The following ZFHX3 variants were observed in gnomAD, a reference collection of about 807,000 sequenced individuals.
ZFHX3 encodes zinc finger homeobox 3.
ZFHX3 carries 42 observed loss-of-function variants against 279.1 expected under a neutral mutation model. The ratio of observed to expected loss-of-function variants is 0.15; its 90% confidence interval spans 0.12 to 0.19. The LOEUF (loss-of-function observed/expected upper bound fraction) is 0.19, where lower values mean the gene tolerates loss of function less well. Among genes scored for constraint, ZFHX3 ranks in the 10% least tolerant of loss-of-function variants. The pLI is 1.00. For synonymous variants in ZFHX3, 2,293 were observed against 1,957.8 expected, an observed-to-expected ratio of 1.17 and a Z score of -4.52; for missense variants, 4,981 against 4,754.0, an observed-to-expected ratio of 1.05 and a Z score of -1.40.
chr16:73,170,440 G>C (rs1967495316), intron 5 of ZFHX3, among the ~76,000 whole-genome samples: 1 of 151,896 alleles, frequency 6.6e-6, no homozygotes, highest in Admixed American at 6.6e-5. Flanking sequence ...ATGTAGGCTA[G>C]GCTGGTCTCG....
chr16:73,765,030 C>G (rs567882401), intron 1 of ZFHX3, among the ~76,000 whole-genome samples: 17 of 152,174 alleles, frequency 1.1e-4, no homozygotes, highest in Admixed American at 6.5e-4. Context: ...GGTATTACCC[C>G]AACTTTATTT....
intron 1 of ZFHX3, among the ~76,000 whole-genome samples, chr16:72,984,843 T>G (rs76385919): frequency 0.011 from 1,684 of 152,206 alleles, 35 homozygotes; most frequent in East Asian, 0.099. Flanking sequence ...CATATAAAAT[T>G]TATATGCATT....
intron 3 of ZFHX3, among the ~76,000 whole-genome samples, chr16:73,321,699 GC>G (rs1396483902): frequency 6.6e-6 from 1 of 152,178 alleles, no homozygotes; most frequent in Admixed American, 6.5e-5. Flanking sequence ...GGCAGGCCTG[GC>G]CTGCAGCTCA....
chr16:73,779,570 A>G (rs1019048847), intron 1 of ZFHX3, among the ~76,000 whole-genome samples: 2 of 152,284 alleles, frequency 1.3e-5, no homozygotes, highest in African/African-American at 2.4e-5. Flanking sequence ...AAGACCCACA[A>G]AGATAGATAA....
intron 5 of ZFHX3, among the ~76,000 whole-genome samples, chr16:73,217,740 C>A (rs1364383082): frequency 6.6e-6 from 1 of 152,086 alleles, no homozygotes; most frequent in African/African-American, 2.4e-5. Context: ...CTCTCACAGC[C>A]TCACAATAGG....
chr16:73,484,604 T>A (rs2018940342), intron 2 of ZFHX3, among the ~76,000 whole-genome samples: 1 of 152,156 alleles, frequency 6.6e-6, no homozygotes, highest in South Asian at 2.1e-4. Context: ...AGACACAGTA[T>A]CACCACGGTA....
At chr16:73,495,365 A>T (rs908469974) in intron 2 of ZFHX3, among the ~76,000 whole-genome samples, 12 of 152,238 alleles carry the variant, frequency 7.9e-5, no homozygotes, top group Non-Finnish European at 1.5e-4. Flanking sequence ...GCTCTGATCC[A>T]GTCAAGCCAT....
At chr16:73,853,487 A>C (rs1961640672) in intron 1 of ZFHX3, among the ~76,000 whole-genome samples, 1 of 140,420 alleles carries the variant, frequency 7.1e-6, no homozygotes, top group Non-Finnish European at 1.5e-5. Context: ...ACCATGGAAT[A>C]CTACAGAGCC....
intron 1 of ZFHX3, among the ~76,000 whole-genome samples, chr16:73,699,028 G>A (rs999470831): frequency 1.3e-5 from 2 of 152,058 alleles, no homozygotes; most frequent in Non-Finnish European, 2.9e-5. Context: ...GAGATTATAG[G>A]CGCCCGCTAC....
At chr16:73,002,936 C>A (rs1963553776) in intron 1 of ZFHX3, among the ~76,000 whole-genome samples, 1 of 152,168 alleles carries the variant, frequency 6.6e-6, no homozygotes, top group South Asian at 2.1e-4. Flanking sequence ...GTACTTCTAC[C>A]AGCTGGAAAT....
chr16:73,628,813 C>A (rs1470261786), intron 2 of ZFHX3, among the ~76,000 whole-genome samples: 1 of 152,154 alleles, frequency 6.6e-6, no homozygotes, highest in Admixed American at 6.5e-5. Flanking sequence ...GTGCTCCCAG[C>A]CCTTGCTGAG....
chr16:73,022,152 A>G (rs1964322786), intron 1 of ZFHX3, among the ~76,000 whole-genome samples: 3 of 152,174 alleles, frequency 2.0e-5, no homozygotes, highest in Non-Finnish European at 4.4e-5. Context: ...ATAAGCTCCA[A>G]GCAGACAAGC....
chr16:73,236,231 T>C (rs1347234513), intron 5 of ZFHX3, among the ~76,000 whole-genome samples: 2 of 152,216 alleles, frequency 1.3e-5, no homozygotes, highest in Non-Finnish European at 2.9e-5. Flanking sequence ...AGGGAATGGA[T>C]GTCAGTGTGG....
intron 5 of ZFHX3, among the ~76,000 whole-genome samples, chr16:73,174,394 CA>C (rs1317465919): frequency 6.6e-6 from 1 of 152,180 alleles, no homozygotes; most frequent in Non-Finnish European, 1.5e-5. Flanking sequence ...GGATCCTGGT[CA>C]GATACCTGAA....
At chr16:73,252,830 CAGAGAGAAAGAAAATGCATG>C (rs2013550652) in intron 5 of ZFHX3, among the ~76,000 whole-genome samples, 1 of 152,096 alleles carries the variant, frequency 6.6e-6, no homozygotes, top group African/African-American at 2.4e-5. Context: ...TCCAGTGGAG[CAGAGAGAAAGAAAATGCATG>C]AGAGAGAAAG....
intron 2 of ZFHX3, among the ~76,000 whole-genome samples, chr16:73,643,647 C>G (rs931052125): frequency 2.0e-5 from 3 of 152,178 alleles, no homozygotes; most frequent in South Asian, 2.1e-4. Context: ...GTGTTCCTTC[C>G]GAGCAATTCC....
intron 3 of ZFHX3, among the ~76,000 whole-genome samples, chr16:73,437,438 T>C (rs974152244): frequency 6.6e-6 from 1 of 152,198 alleles, no homozygotes; most frequent in Non-Finnish European, 1.5e-5. Context: ...TTTCATATGT[T>C]ATTGTGGTGG....
intron 3 of ZFHX3, among the ~76,000 whole-genome samples, chr16:72,940,057 G>A (rs1346376088): frequency 6.6e-6 from 1 of 152,032 alleles, no homozygotes; most frequent in Admixed American, 6.6e-5. Flanking sequence ...CCAGAGGTGT[G>A]TGCCGCCACA....
intron 2 of ZFHX3, among the ~76,000 whole-genome samples, chr16:73,559,830 G>A (rs1168920572): frequency 6.6e-6 from 1 of 152,136 alleles, no homozygotes; most frequent in Non-Finnish European, 1.5e-5. Context: ...GCAGCATCTG[G>A]ACCTGATTAA....
Sources: gnomAD v4.1 joint callset for allele counts (sites outside exome capture counted in the v4.1 genomes callset) on GRCh38, gnomAD v4.1.1 for gene constraint, MANE v1.5 for transcripts, NCBI Gene and HGNC (gene_info 2026-07-23, HGNC 2026-07-21) for gene names.